MCU: variants seen among roughly 807,000 people sequenced by gnomAD.
The protein encoded by MCU is mitochondrial calcium uniporter.
A neutral mutation model predicts 45.2 loss-of-function variants in MCU; 12 were observed. The ratio of observed to expected loss-of-function variants is 0.27; its 90% CI spans 0.17 to 0.43. The LOEUF is 0.43. MCU is among the 20% of genes least tolerant of loss of function. The pLI is 1.00. For missense variants in MCU, 324 were observed against 436.7 expected (o/e 0.74, Z 2.30); for synonymous variants, 160 against 165.1 (o/e 0.97, Z 0.24).
intron 1 of MCU, 77 bp downstream of exon 1, chr10:72,692,378 C>T (rs1589419054): frequency 4.0e-6 from 4 of 1,008,792 alleles, no homozygotes; most frequent in Non-Finnish European, 3.6e-6. Context: ...GGCAGGCCGC[C>T]GGGGCAGCAG....
intron 1 of MCU, among the ~76,000 whole-genome samples, chr10:72,773,362 G>A (rs191605791): frequency 6.6e-6 from 1 of 152,246 alleles, no homozygotes; most frequent in Admixed American, 6.5e-5. Context: ...AAACTCTGTG[G>A]AGGCTCTCAA....
intron 1 of MCU, among the ~76,000 whole-genome samples, chr10:72,833,333 A>G (rs1004631017): frequency 2.0e-5 from 3 of 152,212 alleles, no homozygotes; most frequent in African/African-American, 7.2e-5. Flanking sequence ...CTGTGAGCCA[A>G]GTCTCAAGTA....
chr10:72,860,212 A>G (rs765597413), intron 3 of MCU: 16 of 534,366 alleles, frequency 3.0e-5, no homozygotes, highest in Non-Finnish European at 3.7e-5. Flanking sequence ...CATATAGTTC[A>G]CAGGAAAAGC....
intron 3 of MCU, among the ~76,000 whole-genome samples, chr10:72,859,685 A>G (rs976496534): frequency 2.0e-5 from 3 of 152,218 alleles, no homozygotes; most frequent in Admixed American, 6.6e-5. Flanking sequence ...AAATACTTCC[A>G]GTAGTTAAAC....
chr10:72,850,160 C>T (rs1845185929), intron 2 of MCU, among the ~76,000 whole-genome samples: 1 of 151,992 alleles, frequency 6.6e-6, no homozygotes, highest in African/African-American at 2.4e-5. Context: ...GGTGAGCCAC[C>T]GCGCCTGGCC....
chr10:72,846,079 C>T (rs1845117733), intron 2 of MCU, among the ~76,000 whole-genome samples: 1 of 151,966 alleles, frequency 6.6e-6, no homozygotes, highest in South Asian at 2.1e-4. Flanking sequence ...GAGTCTTGCT[C>T]TGTCACAGGC....
At chr10:72,762,721 T>C (rs1843672344) in intron 1 of MCU, among the ~76,000 whole-genome samples, 1 of 152,188 alleles carries the variant, frequency 6.6e-6, no homozygotes, top group Non-Finnish European at 1.5e-5. Context: ...TTAAGTAAGA[T>C]AGATTTTCTG....
intron 1 of MCU, among the ~76,000 whole-genome samples, chr10:72,810,504 G>A: frequency 1.1e-5 from 1 of 95,178 alleles, no homozygotes; most frequent in Non-Finnish European, 1.9e-5. Flanking sequence ...TTTCGCTCTT[G>A]TTGCCCAGGC....
intron 2 of MCU, among the ~76,000 whole-genome samples, chr10:72,858,247 C>T (rs1469580553): frequency 6.6e-6 from 1 of 152,186 alleles, no homozygotes; most frequent in Non-Finnish European, 1.5e-5. Context: ...TGTGTGTATG[C>T]ACAACTGATC....
intron 1 of MCU, among the ~76,000 whole-genome samples, chr10:72,805,111 CTT>C (rs1564562263): frequency 1.5e-4 from 18 of 120,990 alleles, no homozygotes; most frequent in African/African-American, 6.1e-4. Flanking sequence ...CTCTTTCTTT[CTT>C]TCTTTCTTTC....
At chr10:72,801,172 T>C (rs1210222673) in intron 1 of MCU, among the ~76,000 whole-genome samples, 4 of 152,126 alleles carry the variant, frequency 2.6e-5, no homozygotes. Flanking sequence ...TGGGGATAGG[T>C]AGAGGCCATA....
intron 4 of MCU, among the ~76,000 whole-genome samples, chr10:72,862,259 G>A (rs1293969848): frequency 1.3e-5 from 2 of 151,996 alleles, no homozygotes; most frequent in Non-Finnish European, 2.9e-5. Flanking sequence ...GGGATTACAG[G>A]CGTGAGCCAC....
At chr10:72,857,724 A>C (rs974098493) in intron 2 of MCU, among the ~76,000 whole-genome samples, 1 of 152,198 alleles carries the variant, frequency 6.6e-6, no homozygotes, top group Admixed American at 6.5e-5. Flanking sequence ...CATTTTTAAA[A>C]AAATGTATGT....
intron 2 of MCU, among the ~76,000 whole-genome samples, chr10:72,855,374 T>A (rs1358477062): frequency 6.6e-6 from 1 of 151,990 alleles, no homozygotes; most frequent in Admixed American, 6.6e-5. Flanking sequence ...GTCCAGGAGT[T>A]CAAGGTCAGC....
chr10:72,836,402 T>C (rs913380543), intron 2 of MCU, among the ~76,000 whole-genome samples: 1 of 152,190 alleles, frequency 6.6e-6, no homozygotes, highest in Non-Finnish European at 1.5e-5. Context: ...TTGCTACTTA[T>C]TACCGTTACT....
intron 1 of MCU, among the ~76,000 whole-genome samples, chr10:72,776,291 T>C (rs1314323155): frequency 6.6e-6 from 1 of 152,148 alleles, no homozygotes; most frequent in Non-Finnish European, 1.5e-5. Context: ...GCCAGTATTA[T>C]TGGCGAACAT....
rs546686947 is a variant in MCU at position 72,810,335 on chromosome 10, TGA to T, written c.151-24020_151-24019del. On this transcript the variant is annotated intron_variant, in intron 1 of 7. Transcript: ENST00000373053. ...TAAAATAAGAGGTGACGTCTTTGACTGAGAGGCAGGAAACAGTTCTGAACAAC... is the reference window on the plus strand; with the variant it reads ...TAAAATAAGAGGTGACGTCTTTGACTGAGGCAGGAAACAGTTCTGAACAAC... 2.2e-4 allele frequency among the ~76,000 whole-genome samples: 34 copies of T among 152,172 alleles called. No homozygotes were observed. In the South Asian group the frequency reaches 6.8e-3, roughly 31 times the overall value.
At chr10:72,804,459 A>G (rs1055548583) in intron 1 of MCU, among the ~76,000 whole-genome samples, 7 of 152,168 alleles carry the variant, frequency 4.6e-5, no homozygotes, top group Middle Eastern at 3.2e-3. Context: ...AAAACATTTT[A>G]ATTAATTACC....
intron 1 of MCU, among the ~76,000 whole-genome samples, chr10:72,755,299 C>T (rs1048680500): frequency 2.6e-5 from 4 of 152,080 alleles, no homozygotes; most frequent in African/African-American, 4.8e-5. Flanking sequence ...CAGGCATGCA[C>T]CACCATGCCC....
Sources: gnomAD v4.1 joint callset for allele counts (sites outside exome capture counted in the v4.1 genomes callset) on GRCh38, gnomAD v4.1.1 for gene constraint, MANE v1.5 for transcripts, NCBI Gene and HGNC (gene_info 2026-07-23, HGNC 2026-07-21) for gene names.